The following LDHC variants were observed in gnomAD, a reference collection of about 807,000 sequenced individuals.
LDHC encodes the protein lactate dehydrogenase C.
A neutral mutation model predicts 30.2 loss-of-function variants in LDHC; 20 were observed. The observed-to-expected ratio is 0.66, with a 90% CI of 0.47 to 0.96. The LOEUF (loss-of-function observed/expected upper bound fraction) is 0.96. LDHC is among the 40% of genes least tolerant of loss of function. The pLI is 0.00. For synonymous variants in LDHC, 139 were observed against 132.7 expected (o/e 1.05, Z -0.32); for missense variants, 362 against 394.9 (o/e 0.92, Z 0.71).
At chr11:18,424,441 T>C (rs1049007837) in intron 3 of LDHC, among the ~76,000 whole-genome samples, 2 of 151,990 alleles carry the variant, frequency 1.3e-5, no homozygotes, top group Non-Finnish European at 2.9e-5. Context: ...AACATGAACA[T>C]ATCCCACAAC....
chr11:18,444,434 CCTTTTA>C (rs774271066), intron 6 of LDHC, among the ~76,000 whole-genome samples: 120 of 151,734 alleles, frequency 7.9e-4, no homozygotes, highest in Non-Finnish European at 1.4e-3. Context: ...CTTTCCCTTT[CCTTTTA>C]CTTACCCCCG....
intron 3 of LDHC, among the ~76,000 whole-genome samples, chr11:18,426,569 A>G (rs1343477985): frequency 6.6e-6 from 1 of 151,832 alleles, no homozygotes; most frequent in Non-Finnish European, 1.5e-5. Context: ...GAAGGGAGTA[A>G]TGTGAAATCA....
At chr11:18,447,376 C>G (rs1223759021) in intron 7 of LDHC, among the ~76,000 whole-genome samples, 1 of 151,982 alleles carries the variant, frequency 6.6e-6, no homozygotes, top group Admixed American at 6.6e-5. Context: ...ACCTCGTAAT[C>G]TGCCTGCCTC....
At chr11:18,437,386 T>C (rs1565054310) in intron 5 of LDHC, among the ~76,000 whole-genome samples, 1 of 152,244 alleles carries the variant, frequency 6.6e-6, no homozygotes, top group Non-Finnish European at 1.5e-5. Context: ...TTCCCTCTTT[T>C]ATACATTTGA....
intron 3 of LDHC, among the ~76,000 whole-genome samples, chr11:18,416,156 A>T (rs995125353): frequency 2.6e-5 from 4 of 152,174 alleles, no homozygotes; most frequent in Non-Finnish European, 5.9e-5. Context: ...CTGATGTATA[A>T]ATGCTTTTAA....
chr11:18,441,125 T>C (rs1848457093), intron 6 of LDHC, among the ~76,000 whole-genome samples: 1 of 151,400 alleles, frequency 6.6e-6, no homozygotes, highest in African/African-American at 2.4e-5. Context: ...ACCTCATCTC[T>C]TAAAAAAAAA....
At chr11:18,421,904 A>AT (rs916142251) in intron 3 of LDHC, among the ~76,000 whole-genome samples, 15 of 152,150 alleles carry the variant, frequency 9.9e-5, no homozygotes, top group African/African-American at 3.6e-4. Flanking sequence ...CGGGCGAATC[A>AT]TTTGAGGTCA....
At chr11:18,428,135 A>G (rs1368515485) in intron 3 of LDHC, among the ~76,000 whole-genome samples, 3 of 146,772 alleles carry the variant, frequency 2.0e-5, no homozygotes, top group African/African-American at 7.5e-5. Flanking sequence ...AAAATTAGGT[A>G]GATTTCATTT....
rs1031724926 is a variant in LDHC at position 18,446,140 on chromosome 11, T to C, written c.711-70T>C. 7.7e-6 allele frequency: 10 copies of C among 1,296,718 alleles called. No homozygotes were observed. In the African/African-American group the frequency reaches 1.0e-4, roughly 13 times the overall value. The allele number at this position is 1,296,718 out of a possible 1,614,324, so 80.3% of individuals were successfully genotyped here. On this transcript the variant is annotated intron_variant, in intron 6 of 7. Transcript: ENST00000541669. ...ATGTAGATAACTTTAAAATGGATGC[T>C]TGAAGAATATTATGTTTTCTCTGGG...
At position 18,451,286 on chromosome 11, in the gene LDHC, A is replaced by C; in HGVS notation, c.*159A>C. ...CTCAAGATTAGAACGAGCAAATGGTAAAGAGATTTTCCTCTTTAAGAATCA... is the reference window on the plus strand; with the variant it reads ...CTCAAGATTAGAACGAGCAAATGGTCAAGAGATTTTCCTCTTTAAGAATCA... On this transcript the variant is annotated 3_prime_UTR_variant, in exon 8 of 8. Transcript: ENST00000541669. 2.0e-6 allele frequency: 1 copy of C among 499,442 alleles called. No homozygotes were observed. Among genetic ancestry groups the C allele is most frequent in the Non-Finnish European group, 3.4e-6 (1 of 292,052 alleles). The allele number at this position is 499,442 out of a possible 1,614,324, so 30.9% of individuals were successfully genotyped here. A position where few individuals can be genotyped will look rare whatever the true frequency, so the allele number is the denominator to read the frequency against.
chr11:18,420,917 G>A (rs952593788), intron 3 of LDHC, among the ~76,000 whole-genome samples: 3 of 152,102 alleles, frequency 2.0e-5, no homozygotes, highest in African/African-American at 7.2e-5. Context: ...AAATATACGG[G>A]CGAGGGGTGA....
At chr11:18,446,870 T>G (rs948332585) in intron 7 of LDHC, among the ~76,000 whole-genome samples, 2 of 152,152 alleles carry the variant, frequency 1.3e-5, no homozygotes, top group African/African-American at 2.4e-5. Flanking sequence ...TAGCTATTTT[T>G]AGGAATTTGG....
intron 6 of LDHC, 151 bp from the exon 7 acceptor site, chr11:18,446,059 C>T: frequency 1.2e-5 from 7 of 604,366 alleles, no homozygotes; most frequent in South Asian, 8.5e-5. Context: ...GTTTTGTTGC[C>T]TGTTTATAAA....
intron 3 of LDHC, among the ~76,000 whole-genome samples, chr11:18,428,990 G>T (rs186244942): frequency 1.4e-4 from 22 of 152,044 alleles, no homozygotes; most frequent in African/African-American, 5.3e-4. Flanking sequence ...TTTCTTGGGT[G>T]GGTCAAGAAC....
At chr11:18,434,960 A>G in intron 5 of LDHC, 47 bp downstream of exon 5, 4 of 1,277,732 alleles carry the variant, frequency 3.1e-6, no homozygotes, top group South Asian at 1.5e-5. Context: ...TCTTATCTCT[A>G]CTAGTGCTTA....
intron 2 of LDHC, 144 bp downstream of exon 2, chr11:18,412,987 CT>C (rs1319776810): frequency 9.2e-4 from 194 of 210,668 alleles, no homozygotes; most frequent in South Asian, 3.7e-3. Flanking sequence ...CCCTCCCTCC[CT>C]TCCTTCCTTC....
At chr11:18,445,731 G>T (rs1258168024) in intron 6 of LDHC, among the ~76,000 whole-genome samples, 1 of 152,144 alleles carries the variant, frequency 6.6e-6, no homozygotes, top group Non-Finnish European at 1.5e-5. Flanking sequence ...AGCACTCCAG[G>T]AAACTGAGGC....
At chr11:18,436,481 G>GTTTTTTTTTTTTTTTTTTTTTTTTTTTT (rs35976847) in intron 5 of LDHC, among the ~76,000 whole-genome samples, 1 of 108,186 alleles carries the variant, frequency 9.2e-6, no homozygotes. Context: ...ATAATACAAA[G>GTTTTTTTTTTTTTTTTTTTTTTTTTTTT]TTTTTTTTTT....
chr11:18,430,940 G>T (rs1289575380), intron 4 of LDHC, among the ~76,000 whole-genome samples: 1 of 151,968 alleles, frequency 6.6e-6, no homozygotes, highest in African/African-American at 2.4e-5. Context: ...GAGGCAGAAG[G>T]ATCGCTTGAG....
Sources: gnomAD v4.1 joint callset for allele counts (sites outside exome capture counted in the v4.1 genomes callset) on GRCh38, gnomAD v4.1.1 for gene constraint, MANE v1.5 for transcripts, NCBI Gene and HGNC (gene_info 2026-07-23, HGNC 2026-07-21) for gene names.